SLC9A9: variants seen among roughly 807,000 people sequenced by gnomAD.
SLC9A9 encodes sodium/hydrogen exchanger 9.
A neutral mutation model predicts 77.8 loss-of-function variants in SLC9A9; 62 were observed. The ratio of observed to expected loss-of-function variants is 0.80; its 90% confidence interval spans 0.65 to 0.98. The LOEUF (loss-of-function observed/expected upper bound fraction) is 0.98, where lower values mean the gene tolerates loss of function less well. Ranked by LOEUF, SLC9A9 falls within the 50% of genes least tolerant of loss-of-function variation. The pLI, the probability that SLC9A9 is intolerant of heterozygous loss-of-function variation, is 0.00. For synonymous variants in SLC9A9, 320 were observed against 283.5 expected (o/e 1.13, Z -1.29); for missense variants, 775 against 774.9 (o/e 1.00, Z 0.00).
At chr3:143,524,928 C>A (rs969351384) in intron 9 of SLC9A9, among the ~76,000 whole-genome samples, 1 of 152,184 alleles carries the variant, frequency 6.6e-6, no homozygotes, top group Non-Finnish European at 1.5e-5. Flanking sequence ...TAGCATGAAG[C>A]CCACATCAGA....
intron 6 of SLC9A9, among the ~76,000 whole-genome samples, chr3:143,590,337 G>A (rs1044329130): frequency 3.3e-5 from 5 of 152,188 alleles, no homozygotes; most frequent in Non-Finnish European, 2.9e-5. Flanking sequence ...AATATTAGCT[G>A]TTATTATTGC....
intron 12 of SLC9A9, among the ~76,000 whole-genome samples, chr3:143,453,721 A>G (rs2035044575): frequency 6.6e-6 from 1 of 152,164 alleles, no homozygotes; most frequent in Admixed American, 6.6e-5. Flanking sequence ...TAATCTTTAT[A>G]CATTTAATCT....
At chr3:143,325,487 C>T (rs2031565056) in intron 14 of SLC9A9, among the ~76,000 whole-genome samples, 1 of 152,230 alleles carries the variant, frequency 6.6e-6, no homozygotes, top group Non-Finnish European at 1.5e-5. Context: ...GTCAGCCTGG[C>T]TGTCCTTGTG....
At chr3:143,439,810 G>GTCCTTCCC (rs11267805) in intron 12 of SLC9A9, among the ~76,000 whole-genome samples, 16,885 of 152,244 alleles carry the variant, frequency 0.11, 1,254 homozygotes, top group Non-Finnish European at 0.16. Context: ...TGGCAGGTGG[G>GTCCTTCCC]AAGGAGGTGG....
chr3:143,408,572 A>AGG (rs2034030564), intron 12 of SLC9A9, among the ~76,000 whole-genome samples: 2 of 152,258 alleles, frequency 1.3e-5, no homozygotes, highest in African/African-American at 4.8e-5. Flanking sequence ...CGCCTCGAGC[A>AGG]GGGTGTCTTT....
chr3:143,431,455 G>C (rs572917719), intron 12 of SLC9A9, among the ~76,000 whole-genome samples: 4 of 148,566 alleles, frequency 2.7e-5, no homozygotes, highest in South Asian at 2.1e-4. Context: ...CACATCCCTT[G>C]TTGCGAAATC....
intron 12 of SLC9A9, among the ~76,000 whole-genome samples, chr3:143,443,390 C>T (rs762452367): frequency 1.1e-4 from 16 of 152,102 alleles, no homozygotes; most frequent in Non-Finnish European, 2.4e-4. Flanking sequence ...ATCTCATTTG[C>T]TGCTCCTTTA....
intron 5 of SLC9A9, among the ~76,000 whole-genome samples, chr3:143,681,415 T>A (rs1463219433): frequency 1.3e-5 from 2 of 152,222 alleles, no homozygotes; most frequent in Non-Finnish European, 2.9e-5. Context: ...ACAGGTTATG[T>A]TAATGGGTTC....
intron 12 of SLC9A9, among the ~76,000 whole-genome samples, chr3:143,439,173 C>G (rs567068653): frequency 6.6e-6 from 1 of 152,276 alleles, no homozygotes; most frequent in East Asian, 1.9e-4. Context: ...TGGGCCTTTT[C>G]CCTGGGTTAA....
At chr3:143,392,398 A>G (rs7620504) in intron 12 of SLC9A9, among the ~76,000 whole-genome samples, 9,167 of 152,198 alleles carry the variant, frequency 0.06, 420 homozygotes, top group African/African-American at 0.13. Flanking sequence ...ACAAGCAAAG[A>G]CTGAGAGATT....
At chr3:143,776,079 A>G (rs2007679986) in intron 4 of SLC9A9, among the ~76,000 whole-genome samples, 1 of 152,204 alleles carries the variant, frequency 6.6e-6, no homozygotes, top group African/African-American at 2.4e-5. Context: ...TCATGTTCTA[A>G]ATAAAATATA....
chr3:143,552,235 G>T, intron 9 of SLC9A9, 127 bp downstream of exon 9: 1 of 659,960 alleles, frequency 1.5e-6, no homozygotes, highest in South Asian at 2.2e-5. Context: ...TATCCAACTC[G>T]TAATGAAGCC....
intron 9 of SLC9A9, among the ~76,000 whole-genome samples, chr3:143,507,232 G>T (rs1359384495): frequency 6.6e-6 from 1 of 151,046 alleles, no homozygotes; most frequent in African/African-American, 2.4e-5. Context: ...TTTTGAGATG[G>T]AGTCTCACTC....
chr3:143,302,900 AAGAG>A, intron 14 of SLC9A9, among the ~76,000 whole-genome samples: 1 of 152,318 alleles, frequency 6.6e-6, no homozygotes, highest in South Asian at 2.1e-4. Flanking sequence ...TATCCTCCAC[AAGAG>A]TGTGGAGTCC....
At chr3:143,569,814 CTTT>C (rs530202918) in intron 8 of SLC9A9, among the ~76,000 whole-genome samples, 10 of 133,372 alleles carry the variant, frequency 7.5e-5, no homozygotes, top group Non-Finnish European at 9.7e-5. Flanking sequence ...TTGTTTTTTT[CTTT>C]TTTTTTTTTT....
At chr3:143,639,989 C>T (rs1359917365) in intron 6 of SLC9A9, among the ~76,000 whole-genome samples, 1 of 150,898 alleles carries the variant, frequency 6.6e-6, no homozygotes, top group African/African-American at 2.4e-5. Context: ...TATTCTGGTC[C>T]CTGGGTCAGT....
At chr3:143,320,641 A>T (rs1407697998) in intron 14 of SLC9A9, among the ~76,000 whole-genome samples, 2 of 152,172 alleles carry the variant, frequency 1.3e-5, no homozygotes, top group Non-Finnish European at 2.9e-5. Context: ...TTATCACCAA[A>T]GGGATGGCAC....
intron 14 of SLC9A9, among the ~76,000 whole-genome samples, chr3:143,319,663 C>T (rs1376652120): frequency 6.6e-6 from 1 of 152,186 alleles, no homozygotes. Context: ...TATCATTTGT[C>T]TTTTCCGCTG....
intron 14 of SLC9A9, among the ~76,000 whole-genome samples, chr3:143,292,824 A>G (rs575593768): frequency 6.6e-6 from 1 of 152,300 alleles, no homozygotes; most frequent in Non-Finnish European, 1.5e-5. Flanking sequence ...AGTGGCATAT[A>G]TGATCCCCGA....
Sources: allele counts gnomAD v4.1 joint callset (sites outside exome capture counted in the v4.1 genomes callset), GRCh38; gene constraint gnomAD v4.1.1; transcripts MANE v1.5; gene names NCBI Gene and HGNC (gene_info 2026-07-23, HGNC 2026-07-21).